The following THSD7B variants were observed in gnomAD, a reference collection of about 807,000 sequenced individuals.
The protein encoded by THSD7B is thrombospondin type-1 domain-containing protein 7B.
In THSD7B, 138 loss-of-function variants were observed where a neutral mutation model predicts 213.6. That is an observed-to-expected ratio of 0.65 (90% CI 0.56 to 0.74). The LOEUF (loss-of-function observed/expected upper bound fraction) is 0.74, where lower values mean the gene tolerates loss of function less well. Ranked by LOEUF, THSD7B falls within the 30% of genes least tolerant of loss-of-function variation. THSD7B has a pLI of 0.00. For missense variants in THSD7B, 1,931 were observed against 1,991.5 expected (o/e 0.97, Z 0.58); for synonymous variants, 742 against 687.0 (o/e 1.08, Z -1.25).
chr2:137,494,959 C>T (rs1176479891), intron 15 of THSD7B, among the ~76,000 whole-genome samples: 3 of 152,136 alleles, frequency 2.0e-5, no homozygotes. Flanking sequence ...AGAATGCTGC[C>T]TTGATTACCA....
intron 7 of THSD7B, among the ~76,000 whole-genome samples, chr2:137,203,036 A>G (rs1680911141): frequency 9.1e-6 from 1 of 109,616 alleles, no homozygotes; most frequent in African/African-American, 3.8e-5. Context: ...ACATAGATAG[A>G]TAATGATGGA....
chr2:137,009,647 A>G (rs1686186617), intron 2 of THSD7B, among the ~76,000 whole-genome samples: 1 of 152,164 alleles, frequency 6.6e-6, no homozygotes, highest in Admixed American at 6.5e-5. Context: ...GCAAAAAGGG[A>G]ACCCCTTGTA....
At chr2:137,462,975 G>C (rs1318545253) in intron 15 of THSD7B, among the ~76,000 whole-genome samples, 2 of 152,116 alleles carry the variant, frequency 1.3e-5, no homozygotes, top group African/African-American at 4.8e-5. Flanking sequence ...AGGAAAACAA[G>C]TCCATGCATA....
At chr2:137,283,809 T>C (rs1172584485) in intron 12 of THSD7B, among the ~76,000 whole-genome samples, 1 of 152,184 alleles carries the variant, frequency 6.6e-6, no homozygotes, top group Non-Finnish European at 1.5e-5. Flanking sequence ...GCCAGTATTT[T>C]ATTGAGGGTT....
rs184348944 is a variant in THSD7B at position 137,172,823 on chromosome 2, A to G, written c.1723+1885A>G. On this transcript the variant is annotated intron_variant, in intron 7 of 27. Coordinates refer to ENST00000409968, the MANE Select transcript of THSD7B (RefSeq NM_001316349.2). ...ACCTGTGGGATCTAATGCTAACTCC[A>G]AATAGATAGTGTTAGAGTTGAGTTA... Among the ~76,000 whole-genome samples, 18 of 152,278 alleles carry G rather than the reference A, an allele frequency of 1.2e-4. No homozygotes were observed. The East Asian group carries it at 3.3e-3, about 28-fold the overall frequency.
intron 7 of THSD7B, among the ~76,000 whole-genome samples, chr2:137,225,177 C>T (rs912012066): frequency 2.6e-5 from 4 of 152,196 alleles, no homozygotes; most frequent in African/African-American, 7.2e-5. Context: ...AATCTCCCTA[C>T]TTGAGTCTTT....
chr2:137,360,518 G>A (rs1030915101), intron 12 of THSD7B, among the ~76,000 whole-genome samples: 6 of 152,118 alleles, frequency 3.9e-5, no homozygotes, highest in African/African-American at 1.4e-4. Flanking sequence ...CCTAAATACT[G>A]CACTATTCCA....
chr2:136,951,191 T>C (rs925684994), intron 2 of THSD7B, among the ~76,000 whole-genome samples: 8 of 152,126 alleles, frequency 5.3e-5, no homozygotes, highest in Non-Finnish European at 8.8e-5. Context: ...GGATGAAGCA[T>C]GCATTTGAGA....
chr2:137,150,154 A>G (rs1418977638), intron 5 of THSD7B, among the ~76,000 whole-genome samples: 2 of 151,970 alleles, frequency 1.3e-5, no homozygotes, highest in Admixed American at 1.3e-4. Flanking sequence ...AGGCAGGAGA[A>G]TCATTTGAAC....
intron 4 of THSD7B, among the ~76,000 whole-genome samples, chr2:137,111,137 G>A (rs899166246): frequency 6.6e-6 from 1 of 152,158 alleles, no homozygotes; most frequent in South Asian, 2.1e-4. Flanking sequence ...TGACCACAGG[G>A]CTCTCATTAT....
chr2:137,334,200 C>A (rs1246024073), intron 12 of THSD7B, among the ~76,000 whole-genome samples: 1 of 148,736 alleles, frequency 6.7e-6, no homozygotes, highest in African/African-American at 2.5e-5. Context: ...CTCTCTCTCT[C>A]TTTCTCTCTT....
intron 1 of THSD7B, among the ~76,000 whole-genome samples, chr2:136,781,292 A>G (rs1573635403): frequency 7.7e-6 from 1 of 129,370 alleles, no homozygotes; most frequent in African/African-American, 3.1e-5. Context: ...TTTGAGATGG[A>G]GTCACTGTGT....
chr2:137,326,430 C>T (rs187607604), intron 12 of THSD7B, among the ~76,000 whole-genome samples: 142 of 152,204 alleles, frequency 9.3e-4, no homozygotes, highest in African/African-American at 2.9e-3. Context: ...ACATTCTTAA[C>T]AAAGTACAAA....
At chr2:137,377,613 T>G (rs1685686434) in intron 12 of THSD7B, among the ~76,000 whole-genome samples, 1 of 151,790 alleles carries the variant, frequency 6.6e-6, no homozygotes, top group African/African-American at 2.4e-5. Flanking sequence ...TTGCAGCAGC[T>G]TTGTTGAGAT....
intron 20 of THSD7B, among the ~76,000 whole-genome samples, chr2:137,637,469 C>T (rs1011289540): frequency 3.3e-5 from 5 of 152,218 alleles, no homozygotes; most frequent in African/African-American, 9.6e-5. Flanking sequence ...TTAACACGAA[C>T]CAATTAAACA....
intron 15 of THSD7B, among the ~76,000 whole-genome samples, chr2:137,521,196 C>A (rs1165353823): frequency 6.6e-6 from 1 of 152,084 alleles, no homozygotes; most frequent in Non-Finnish European, 1.5e-5. Context: ...TGTCCCCACC[C>A]CAGATTATGA....
At chr2:137,127,125 CA>C (rs1688643548) in intron 5 of THSD7B, among the ~76,000 whole-genome samples, 1 of 152,156 alleles carries the variant, frequency 6.6e-6, no homozygotes, top group Non-Finnish European at 1.5e-5. Context: ...CACAGAATCA[CA>C]AAGCGGGCAC....
intron 27 of THSD7B, among the ~76,000 whole-genome samples, chr2:137,671,197 G>A (rs955524335): frequency 3.5e-4 from 53 of 149,338 alleles, no homozygotes; most frequent in African/African-American, 1.2e-3. Context: ...TTAGGGAGAT[G>A]GCCATTTTAT....
chr2:136,943,138 CAT>C (rs1304931903), intron 2 of THSD7B, among the ~76,000 whole-genome samples: 1 of 152,138 alleles, frequency 6.6e-6, no homozygotes, highest in Non-Finnish European at 1.5e-5. Flanking sequence ...CTGAGATAAT[CAT>C]GTGGTTTTTG....
Sources: allele counts gnomAD v4.1 joint callset (sites outside exome capture counted in the v4.1 genomes callset), GRCh38; gene constraint gnomAD v4.1.1; transcripts MANE v1.5; gene names NCBI Gene and HGNC (gene_info 2026-07-23, HGNC 2026-07-21).